FMNL2: variants seen among roughly 807,000 people sequenced by gnomAD.
The protein encoded by FMNL2 is formin like 2.
FMNL2 carries 51 observed loss-of-function variants against 130.2 expected under a neutral mutation model. The ratio of observed to expected loss-of-function variants is 0.39; its 90% confidence interval spans 0.31 to 0.49. FMNL2 has a LOEUF of 0.49. Ranked by LOEUF, FMNL2 falls within the 20% of genes least tolerant of loss-of-function variation. The pLI, the probability that FMNL2 is intolerant of heterozygous loss-of-function variation, is 0.85. For synonymous variants in FMNL2, 465 were observed against 467.1 expected (o/e 1.00, Z 0.06); for missense variants, 977 against 1,316.2 (o/e 0.74, Z 3.99).
intron 1 of FMNL2, among the ~76,000 whole-genome samples, chr2:152,519,528 G>C (rs1692957607): frequency 6.6e-6 from 1 of 152,208 alleles, no homozygotes; most frequent in Non-Finnish European, 1.5e-5. Flanking sequence ...ATGTCTAGTA[G>C]AGTACTAATA....
Position 152,628,536 on chromosome 2 carries a change from G to C in FMNL2, c.2400+3G>C. The C allele has an allele frequency of 6.2e-7, 1 of 1,611,834 alleles. No individual in the cohort carries two copies. The highest frequency in any genetic ancestry group is 8.5e-7 in the Non-Finnish European group (1 of 1,177,914). ...AAAGCATTCAGATGCTGACTCCTGT[G>C]AGTGGACTGACTCTGGCAGGGGAGG... On this transcript the variant is annotated splice_donor_region_variant and intron_variant, in intron 18 of 25. Coordinates refer to ENST00000288670, the MANE Select transcript of FMNL2 (RefSeq NM_052905.4).
At chr2:152,475,826 CA>C (rs561233902) in intron 1 of FMNL2, among the ~76,000 whole-genome samples, 1 of 151,416 alleles carries the variant, frequency 6.6e-6, no homozygotes, top group Non-Finnish European at 1.5e-5. Flanking sequence ...ATTCTTACTA[CA>C]AAAAAAAGGC....
At chr2:152,493,373 A>G (rs888200570) in intron 1 of FMNL2, among the ~76,000 whole-genome samples, 4 of 152,226 alleles carry the variant, frequency 2.6e-5, no homozygotes, top group South Asian at 4.1e-4. Flanking sequence ...CAAATCTCAA[A>G]TGTCCTAACT....
chr2:152,619,051 A>C lies in FMNL2; in HGVS notation c.1520A>C (p.Glu507Ala). 1 of 1,614,038 alleles carries C rather than the reference A, an allele frequency of 6.2e-7. No individual in the cohort carries two copies. ...TCTGGCACATTGTCCATGGGGTCAGAAGTGGTAGCAGGTAACTCTGTGGGA... is the reference window on the plus strand; with the variant it reads ...TCTGGCACATTGTCCATGGGGTCAGCAGTGGTAGCAGGTAACTCTGTGGGA... ...VASGTLSMGSEVVAGNSVGPT... is the reference protein window; with the variant it reads ...VASGTLSMGSAVVAGNSVGPT... The change falls in exon 14 of 26, where the codon GAA (glutamate) becomes GCA (alanine). Residue 507 changes from glutamate to alanine, a missense_variant. Physicochemically the swap from Glu to Ala is moderately radical, Grantham distance 107 (BLOSUM62 -1). Around this residue, in one of 4 missense-constraint regions of FMNL2, gnomAD observed 689 missense variants for 995.9 expected, o/e 0.69. Coordinates refer to ENST00000288670, the MANE Select transcript of FMNL2 (RefSeq NM_052905.4).
At chr2:152,607,573 CT>C in intron 10 of FMNL2, 160 bp downstream of exon 10, 1 of 578,252 alleles carries the variant, frequency 1.7e-6, no homozygotes, top group Non-Finnish European at 3.1e-6. Flanking sequence ...GAATGTCCCT[CT>C]TAATCTGTAT....
chr2:152,392,300 A>G (rs796093727), intron 1 of FMNL2, among the ~76,000 whole-genome samples: 28 of 152,128 alleles, frequency 1.8e-4, no homozygotes, highest in African/African-American at 6.3e-4. Flanking sequence ...AGACTTTGGG[A>G]TTGACTTTTC....
chr2:152,386,575 T>C (rs941326325), intron 1 of FMNL2, among the ~76,000 whole-genome samples: 2 of 152,246 alleles, frequency 1.3e-5, no homozygotes, highest in Admixed American at 6.5e-5. Flanking sequence ...TTGCTTGTTA[T>C]TTTACTTTGA....
chr2:152,518,618 A>G (rs1167214230), intron 1 of FMNL2, among the ~76,000 whole-genome samples: 1 of 152,074 alleles, frequency 6.6e-6, no homozygotes, highest in Admixed American at 6.5e-5. Context: ...CCCTCTTATT[A>G]ACTGTACCCC....
intron 9 of FMNL2, among the ~76,000 whole-genome samples, chr2:152,607,106 T>C (rs1283648869): frequency 2.0e-5 from 3 of 147,806 alleles, no homozygotes; most frequent in Non-Finnish European, 4.5e-5. Flanking sequence ...GAAAAACACA[T>C]TTGATATGGA....
intron 1 of FMNL2, among the ~76,000 whole-genome samples, chr2:152,370,856 T>A (rs961922909): frequency 6.6e-6 from 1 of 152,212 alleles, no homozygotes; most frequent in African/African-American, 2.4e-5. Context: ...TCTCCCAGTG[T>A]CTATGGGTCA....
At chr2:152,430,075 A>G (rs1687418686) in intron 1 of FMNL2, among the ~76,000 whole-genome samples, 1 of 152,234 alleles carries the variant, frequency 6.6e-6, no homozygotes, top group African/African-American at 2.4e-5. Context: ...CCAACAAACA[A>G]AAAAAGCAGT....
chr2:152,628,206 T>TCCATCCA (rs1375031975), intron 17 of FMNL2, 93 bp from the exon 18 acceptor site: 1 of 1,060,202 alleles, frequency 9.4e-7, no homozygotes. Flanking sequence ...ACCAGATGGA[T>TCCATCCA]GATGGATGGA....
intron 23 of FMNL2, among the ~76,000 whole-genome samples, chr2:152,638,275 TG>T (rs1435060669): frequency 6.6e-6 from 1 of 152,184 alleles, no homozygotes; most frequent in Admixed American, 6.5e-5. Context: ...CAAAGAGACA[TG>T]TATCAGAAGG....
At chr2:152,341,713 T>C (rs1281662268) in intron 1 of FMNL2, among the ~76,000 whole-genome samples, 1 of 152,226 alleles carries the variant, frequency 6.6e-6, no homozygotes, top group Non-Finnish European at 1.5e-5. Flanking sequence ...TGTGATTCAT[T>C]AGTTGACATT....
At chr2:152,529,608 C>T (rs1320743566) in intron 2 of FMNL2, among the ~76,000 whole-genome samples, 1 of 152,032 alleles carries the variant, frequency 6.6e-6, no homozygotes, top group Non-Finnish European at 1.5e-5. Context: ...TAGCAGATGC[C>T]AACTCTTTGT....
At chr2:152,390,582 A>C in intron 1 of FMNL2, 2 of 1,347,214 alleles carry the variant, frequency 1.5e-6, no homozygotes, top group Admixed American at 1.7e-5. Flanking sequence ...GATTCTGAAG[A>C]AGTTCATGGA....
chr2:152,345,096 G>A (rs1682037429), intron 1 of FMNL2, among the ~76,000 whole-genome samples: 1 of 152,170 alleles, frequency 6.6e-6, no homozygotes, highest in Non-Finnish European at 1.5e-5. Context: ...TGAGAGGATA[G>A]TAGCAATTAT....
intron 1 of FMNL2, among the ~76,000 whole-genome samples, chr2:152,406,211 G>C (rs1685970445): frequency 1.3e-5 from 2 of 152,126 alleles, no homozygotes; most frequent in Admixed American, 6.5e-5. Flanking sequence ...TTTAATTCCA[G>C]TATTATAGAA....
At chr2:152,642,570 T>A (rs1371537265) in intron 25 of FMNL2, among the ~76,000 whole-genome samples, 3 of 152,182 alleles carry the variant, frequency 2.0e-5, no homozygotes, top group African/African-American at 7.2e-5. Context: ...TGTAGCACTC[T>A]CCTTGCCTCC....
Sources: gnomAD v4.1 joint callset for allele counts (sites outside exome capture counted in the v4.1 genomes callset) on GRCh38, gnomAD v4.1.1 for gene constraint, gnomAD v4.1.1 regional missense constraint, MANE v1.5 for transcripts, NCBI Gene and HGNC (gene_info 2026-07-23, HGNC 2026-07-21) for gene names.